The following HIPK3 variants were observed in gnomAD, a reference collection of about 807,000 sequenced individuals.
HIPK3 encodes the protein homeodomain-interacting protein kinase 3.
A neutral mutation model predicts 124.2 loss-of-function variants in HIPK3; 47 were observed. That is an observed-to-expected ratio of 0.38 (90% confidence interval 0.30 to 0.48). The LOEUF (loss-of-function observed/expected upper bound fraction) is 0.48. HIPK3 is among the 20% of genes least tolerant of loss of function. The probability of loss-of-function intolerance (pLI) is 0.98; values close to 1 mark genes in which losing one functional copy is unlikely to be tolerated. For synonymous variants in HIPK3, 482 were observed against 515.2 expected (o/e 0.94, Z 0.87); for missense variants, 1,286 against 1,454.3 (o/e 0.88, Z 1.88).
At chr11:33,284,527 C>T (rs926543662) in intron 1 of HIPK3, among the ~76,000 whole-genome samples, 1 of 152,138 alleles carries the variant, frequency 6.6e-6, no homozygotes, top group African/African-American at 2.4e-5. Context: ...GGTGCAGTGG[C>T]TCATGCCTAT....
chr11:33,292,736 A>C (rs1226540637), intron 2 of HIPK3, among the ~76,000 whole-genome samples: 1 of 152,036 alleles, frequency 6.6e-6, no homozygotes, highest in East Asian at 1.9e-4. Flanking sequence ...TCTAAAATGA[A>C]ATGGTTTTCT....
At chr11:33,344,645 CATT>C (rs1853440247) in intron 8 of HIPK3, among the ~76,000 whole-genome samples, 1 of 152,180 alleles carries the variant, frequency 6.6e-6, no homozygotes, top group Admixed American at 6.5e-5. Context: ...GTCACAGACT[CATT>C]AACCCATTAA....
intron 1 of HIPK3, among the ~76,000 whole-genome samples, chr11:33,280,764 G>C (rs1206961666): frequency 6.6e-6 from 1 of 152,154 alleles, no homozygotes; most frequent in African/African-American, 2.4e-5. Flanking sequence ...ATTTCTCTAT[G>C]TCAGTTATCA....
chr11:33,348,795 T>G lies in HIPK3; in HGVS notation c.2643T>G (p.Thr881=). The change falls in exon 13 of 17, where the codon ACT becomes ACG. Residue 881 remains threonine (T), a synonymous_variant. Coordinates refer to ENST00000303296, the MANE Select transcript of HIPK3 (RefSeq NM_005734.5). ...TISSDTDEEE[T]SQRHSLRECK... ...GCAGTGACACTGATGAGGAAGAGAC[T>G]TCCCAGAGACATTCACTCAGAGAGT... is the stretch of plus-strand genomic sequence containing the variant. 6.2e-7 allele frequency: 1 copy of G among 1,613,664 alleles called. No homozygotes were observed. Among genetic ancestry groups the G allele is most frequent in the East Asian group, 2.2e-5 (1 of 44,848 alleles).
At chr11:33,288,091 G>A (rs377543780) in intron 2 of HIPK3, among the ~76,000 whole-genome samples, 1 of 152,146 alleles carries the variant, frequency 6.6e-6, no homozygotes, top group African/African-American at 2.4e-5. Context: ...AAAAGTTTCA[G>A]ATATTTGGAT....
chr11:33,303,678 G>A (rs562566047), intron 2 of HIPK3, among the ~76,000 whole-genome samples: 1 of 152,136 alleles, frequency 6.6e-6, no homozygotes, highest in South Asian at 2.1e-4. Context: ...GCATTTTCCT[G>A]TGAATGGAAT....
intron 2 of HIPK3, among the ~76,000 whole-genome samples, chr11:33,291,729 C>G (rs1017991870): frequency 1.2e-4 from 19 of 152,060 alleles, no homozygotes; most frequent in Admixed American, 1.1e-3. Context: ...ATTTCTTTTT[C>G]TTTTTCTTTC....
intron 1 of HIPK3, chr11:33,258,540 G>T (rs1187068853): frequency 2.0e-6 from 2 of 985,494 alleles, no homozygotes; most frequent in Non-Finnish European, 1.2e-6. Flanking sequence ...CGGGAGGAAG[G>T]CGTGGCGGCC....
rs755955880 is a variant in HIPK3, at chr11:33,287,158, C to G, written c.744C>G (p.Leu248=). 5 of 1,614,186 alleles carry G rather than the reference C, an allele frequency of 3.1e-6. No individual in the cohort carries two copies. Among genetic ancestry groups the G allele is most frequent in the Non-Finnish European group, 4.2e-6 (5 of 1,180,034 alleles). ...TAGAAGTGAGCATATTAGCAAGGCT[C>G]AGTACTGAAAATGCTGATGAATATA... The part of the protein sequence containing the change: ...GQIEVSILAR[L]STENADEYNF... The change falls in exon 2 of 17, where the codon CTC becomes CTG. Residue 248 remains leucine, a synonymous_variant. Coordinates refer to ENST00000303296, the MANE Select transcript of HIPK3 (RefSeq NM_005734.5).
chr11:33,322,441 C>A (rs1470330006), intron 2 of HIPK3, among the ~76,000 whole-genome samples: 1 of 152,062 alleles, frequency 6.6e-6, no homozygotes, highest in Non-Finnish European at 1.5e-5. Context: ...CTTTTAGTGG[C>A]CTAGAGGTTT....
chr11:33,345,292 C>A (rs967302307), intron 8 of HIPK3, among the ~76,000 whole-genome samples: 1 of 152,082 alleles, frequency 6.6e-6, no homozygotes, highest in Non-Finnish European at 1.5e-5. Flanking sequence ...ATGACAACTA[C>A]TATATTAGAG....
intron 2 of HIPK3, among the ~76,000 whole-genome samples, chr11:33,304,523 C>T (rs1391548461): frequency 2.0e-5 from 3 of 151,358 alleles, no homozygotes; most frequent in African/African-American, 7.3e-5. Flanking sequence ...TGCCATTGCA[C>T]TCCAGCCTGG....
chr11:33,330,587 A>G (rs1442445366), intron 3 of HIPK3, among the ~76,000 whole-genome samples: 1 of 152,166 alleles, frequency 6.6e-6, no homozygotes, highest in Non-Finnish European at 1.5e-5. Context: ...TCAGCCTCCC[A>G]AAGTGTTGGG....
At chr11:33,287,822 A>AT (rs1281999383) in intron 2 of HIPK3, among the ~76,000 whole-genome samples, 1 of 152,226 alleles carries the variant, frequency 6.6e-6, no homozygotes, top group East Asian at 1.9e-4. Context: ...GTTGGAAAGT[A>AT]TTTACATTAA....
At chr11:33,317,925 CT>C (rs1432575907) in intron 2 of HIPK3, among the ~76,000 whole-genome samples, 3 of 152,148 alleles carry the variant, frequency 2.0e-5, no homozygotes, top group Non-Finnish European at 4.4e-5. Context: ...TTACAGTCGT[CT>C]TTAGGAACTC....
intron 1 of HIPK3, among the ~76,000 whole-genome samples, chr11:33,275,477 TGTC>T (rs1851247521): frequency 6.6e-6 from 1 of 152,226 alleles, no homozygotes; most frequent in South Asian, 2.1e-4. Flanking sequence ...ACCAACTTAT[TGTC>T]TAGTGTCTCC....
chr11:33,267,543 T>TG (rs1363387364), intron 1 of HIPK3, among the ~76,000 whole-genome samples: 1 of 152,158 alleles, frequency 6.6e-6, no homozygotes, highest in East Asian at 1.9e-4. Context: ...TCCCCCAGGC[T>TG]GGAGTGCAGT....
At chr11:33,348,406 A>G (rs1853561102) in intron 12 of HIPK3, 116 bp from the exon 13 acceptor site, 2 of 1,028,424 alleles carry the variant, frequency 1.9e-6, no homozygotes, top group East Asian at 2.6e-5. Flanking sequence ...TTAGTGTGTT[A>G]TATTCATGAA....
intron 8 of HIPK3, among the ~76,000 whole-genome samples, chr11:33,346,106 G>A (rs1024296046): frequency 1.3e-5 from 2 of 152,072 alleles, no homozygotes; most frequent in Non-Finnish European, 2.9e-5. Context: ...TGATCTTCGG[G>A]GATGTCCCTA....
Sources: gnomAD v4.1 joint callset for allele counts (sites outside exome capture counted in the v4.1 genomes callset) on GRCh38, gnomAD v4.1.1 for gene constraint, MANE v1.5 for transcripts, NCBI Gene and HGNC (gene_info 2026-07-23, HGNC 2026-07-21) for gene names.